The following ATOH8 variants were observed in gnomAD, a reference collection of about 807,000 sequenced individuals.
The protein encoded by ATOH8 is atonal bHLH transcription factor 8.
In ATOH8, 9 loss-of-function variants were observed where a neutral mutation model predicts 21.2. The ratio of observed to expected loss-of-function variants is 0.42; its 90% CI spans 0.26 to 0.74. The LOEUF (loss-of-function observed/expected upper bound fraction) is 0.74, where lower values mean the gene tolerates loss of function less well. Among genes scored for constraint, ATOH8 ranks in the 30% least tolerant of loss-of-function variants. ATOH8 has a pLI of 0.24. For missense variants in ATOH8, 524 were observed against 470.9 expected (o/e 1.11, Z -1.04); for synonymous variants, 253 against 224.0 (o/e 1.13, Z -1.16).
chr2:85,763,903 T>C, intron 1 of ATOH8, 88 bp from the exon 2 acceptor site: 1 of 1,275,030 alleles, frequency 7.8e-7, no homozygotes, highest in Non-Finnish European at 1.1e-6. Flanking sequence ...GGTGGAGGGC[T>C]CAGATATACC....
intron 2 of ATOH8, among the ~76,000 whole-genome samples, chr2:85,782,902 G>A (rs1210827679): frequency 6.6e-6 from 1 of 152,148 alleles, no homozygotes; most frequent in Non-Finnish European, 1.5e-5. Context: ...TGCCATGTTG[G>A]CCAGACTGGT....
chr2:85,791,227 TG>T lies in ATOH8; in HGVS notation c.*4340del, dbSNP rs1680760042. On this transcript the variant is annotated 3_prime_UTR_variant, in exon 3 of 3. Coordinates refer to ENST00000306279, the MANE Select transcript of ATOH8 (RefSeq NM_032827.7). ...ACAATGACAGTGTTTTCCAGAACTGTGGGTACGTGTCTAATCTCAGATGGTA... is the reference window on the plus strand; with the variant it reads ...ACAATGACAGTGTTTTCCAGAACTGTGGTACGTGTCTAATCTCAGATGGTA... Among the ~76,000 whole-genome samples the T allele has an allele frequency of 6.6e-6, 1 of 152,166 alleles. No homozygotes were observed. Among genetic ancestry groups the T allele is most frequent in the African/African-American group, 2.4e-5 (1 of 41,436 alleles).
Position 85,788,502 on chromosome 2 carries a change from A to G in ATOH8, c.*1612A>G, listed in dbSNP as rs996751461. Among the ~76,000 whole-genome samples, 2 of 152,104 alleles carry G rather than the reference A, an allele frequency of 1.3e-5. No homozygotes were observed. Among genetic ancestry groups the G allele is most frequent in the Non-Finnish European group, 2.9e-5 (2 of 68,032 alleles). On this transcript the variant is annotated 3_prime_UTR_variant, in exon 3 of 3. Coordinates refer to ENST00000306279, the MANE Select transcript of ATOH8 (RefSeq NM_032827.7). ...CAGCCCCATCACCAGTCCCAGCCCA[A>G]AGTCTCTTGTGTGGCCTTGTCACAT...
chr2:85,775,570 C>T (rs1433631692), intron 2 of ATOH8, among the ~76,000 whole-genome samples: 1 of 152,184 alleles, frequency 6.6e-6, no homozygotes, highest in Non-Finnish European at 1.5e-5. Context: ...AGAGTCCAGG[C>T]TTCTTTTGAT....
intron 1 of ATOH8, among the ~76,000 whole-genome samples, chr2:85,763,439 C>T (rs1679920497): frequency 6.6e-6 from 1 of 152,122 alleles, no homozygotes; most frequent in Non-Finnish European, 1.5e-5. Context: ...AAAATGAAAA[C>T]CAGCCATGTT....
Position 85,754,018 on chromosome 2 carries a change from G to C in ATOH8, c.-172G>C. ...ATGACACTCTGAGCGCTCCGGGAAC[G>C]GACAGCCCGGCGGCTTCCCGAAGCC... On this transcript the variant is annotated 5_prime_UTR_variant, in exon 1 of 3. Coordinates refer to ENST00000306279, the MANE Select transcript of ATOH8 (RefSeq NM_032827.7). The C allele has an allele frequency of 1.4e-6, 1 of 692,330 alleles. No homozygotes were observed. The highest frequency in any genetic ancestry group is 2.4e-5 in the South Asian group (1 of 41,220). The allele number at this position is 692,330 out of a possible 1,614,324, so 42.9% of individuals were successfully genotyped here.
intron 2 of ATOH8, among the ~76,000 whole-genome samples, chr2:85,765,676 C>A (rs963218371): frequency 5.3e-5 from 8 of 151,888 alleles, no homozygotes; most frequent in Admixed American, 2.0e-4. Context: ...CGCCCCGTCT[C>A]CATCTCAGCC....
At chr2:85,768,381 C>T (rs2104513469) in intron 2 of ATOH8, among the ~76,000 whole-genome samples, 1 of 152,236 alleles carries the variant, frequency 6.6e-6, no homozygotes, top group Non-Finnish European at 1.5e-5. Context: ...GGGTTTAAAG[C>T]CTTAGGGTAG....
intron 2 of ATOH8, among the ~76,000 whole-genome samples, chr2:85,781,396 G>C (rs2083114): frequency 0.29 from 43,389 of 151,210 alleles, 7,502 homozygotes; most frequent in African/African-American, 0.49. Flanking sequence ...GTGAAACCCC[G>C]TCTCTACTAA....
rs1171854038 is a variant in ATOH8 at position 85,787,563 on chromosome 2, C to T, written c.*673C>T. The T allele has an allele frequency of 6.5e-6, 1 of 152,874 alleles. No individual in the cohort carries two copies. Among genetic ancestry groups the T allele is most frequent in the Non-Finnish European group, 1.5e-5 (1 of 68,204 alleles). 9.5% of individuals were successfully genotyped at this position (152,874 alleles called of 1,614,324 possible). On this transcript the variant is annotated 3_prime_UTR_variant, in exon 3 of 3. Transcript: ENST00000306279. ...CCCAGTTCTCAGTGTCCCTTGGGTCCAGGCTCCTTGGGCCCTAAGCATCAC... is the reference window on the plus strand; with the variant it reads ...CCCAGTTCTCAGTGTCCCTTGGGTCTAGGCTCCTTGGGCCCTAAGCATCAC...
chr2:85,785,906 C>T lies in ATOH8; in HGVS notation c.961-979C>T, dbSNP rs13386681. On this transcript the variant is annotated intron_variant, in intron 2 of 2. Transcript: ENST00000306279. The surrounding 1 kb of genome is among the most constrained non-coding windows in gnomAD (Gnocchi z 4.1). ...TAAGAGGGTTATGTTGTACCAGGTT[C>T]AGGGACTTTGTTATTTTTCATCCTG... Among the ~76,000 whole-genome samples the T allele has an allele frequency of 0.084, 12,841 of 152,236 alleles. 635 individuals are homozygous for T. The highest frequency in any genetic ancestry group is 0.24 in the South Asian group (1,174 of 4,822).
At chr2:85,754,988 C>A (rs773693435) in intron 1 of ATOH8, 31 bp downstream of exon 1, 3 of 1,552,458 alleles carry the variant, frequency 1.9e-6, no homozygotes, top group Non-Finnish European at 2.6e-6. Context: ...GCCCTCACTG[C>A]GCCGGGGGAC....
chr2:85,766,189 T>C lies in ATOH8; in HGVS notation c.960+2007T>C, dbSNP rs1171963385. Among the ~76,000 whole-genome samples, 2 of 152,074 alleles carry C rather than the reference T, an allele frequency of 1.3e-5. No individual in the cohort carries two copies. Among genetic ancestry groups the C allele is most frequent in the Non-Finnish European group, 2.9e-5 (2 of 68,002 alleles). On this transcript the variant is annotated intron_variant, in intron 2 of 2. Coordinates refer to ENST00000306279, the MANE Select transcript of ATOH8 (RefSeq NM_032827.7). This position sits in a 1 kb window ranked among gnomAD's most constrained non-coding sequence, Gnocchi z 4.0. Reference sequence around the variant, plus strand: ...ATGGTCACCGTCCTCAGGGTAATGATAATGAGCCCCTAAAATGCTTGAGCT... The same window carrying C: ...ATGGTCACCGTCCTCAGGGTAATGACAATGAGCCCCTAAAATGCTTGAGCT...
chr2:85,754,541 G>C lies in ATOH8; in HGVS notation c.352G>C (p.Gly118Arg), dbSNP rs1475863517. Reference protein sequence around the residue: ...RKRCFALGAVGPGLPTPPPPP... With the variant: ...RKRCFALGAVRPGLPTPPPPP... ...ACGCTGCTTCGCCCTAGGCGCAGTGGGGCCAGGACTCCCCACGCCGCCGCC... is the reference window on the plus strand; with the variant it reads ...ACGCTGCTTCGCCCTAGGCGCAGTGCGGCCAGGACTCCCCACGCCGCCGCC... Residue 118 changes from glycine to arginine, a missense_variant, in exon 1 of 3, where the codon GGG (glycine) becomes CGG (arginine). Gly to Arg is a moderately radical substitution (Grantham distance 125). Transcript: ENST00000306279. 1 of 1,424,720 alleles carries C rather than the reference G, an allele frequency of 7.0e-7. No individual in the cohort carries two copies. Among genetic ancestry groups the C allele is most frequent in the African/African-American group, 1.5e-5 (1 of 65,858 alleles). 88.3% of individuals were successfully genotyped at this position (1,424,720 alleles called of 1,614,324 possible). A position where few individuals can be genotyped will look rare whatever the true frequency, so the allele number is the denominator to read the frequency against.
In ATOH8 at chr2:85,787,120, G is replaced by A. The variant is rs991051021; in HGVS notation, c.*230G>A. On this transcript the variant is annotated 3_prime_UTR_variant, in exon 3 of 3. Transcript: ENST00000306279. ...ACTTTGCCCTCTGCCTGGTGGGGAG[G>A]GGAGAGCTCAGCCCCCGACTCACTC... The A allele has an allele frequency of 5.2e-6, 3 of 576,778 alleles. No individual in the cohort carries two copies. Among genetic ancestry groups the A allele is most frequent in the African/African-American group, 3.7e-5 (2 of 53,336 alleles). The allele number at this position is 576,778 out of a possible 1,614,324, so 35.7% of individuals were successfully genotyped here.
intron 2 of ATOH8, among the ~76,000 whole-genome samples, chr2:85,765,101 T>C (rs977208059): frequency 2.0e-5 from 3 of 152,204 alleles, no homozygotes; most frequent in African/African-American, 7.2e-5. Context: ...CAAGGCTTAG[T>C]GCAGCCCTCC....
intron 2 of ATOH8, chr2:85,773,318 A>G (rs1573532672): frequency 6.2e-6 from 1 of 161,258 alleles, no homozygotes; most frequent in Non-Finnish European, 1.3e-5. Context: ...GCCTTCTGGG[A>G]TATGTCTGCC....
In ATOH8 at chr2:85,754,695, C is replaced by T. The variant is rs368693659; in HGVS notation, c.506C>T (p.Pro169Leu). 1.9e-6 allele frequency: 3 copies of T among 1,605,720 alleles called. No homozygotes were observed. Among genetic ancestry groups the T allele is most frequent in the East Asian group, 2.2e-5 (1 of 44,694 alleles). The change falls in exon 1 of 3, where the codon CCA becomes CTA. Residue 169 changes from proline (P) to leucine (L), a missense_variant. Transcript: ENST00000306279. ...PPARPAPSAP[P>L]APPAPPESTV... ...GCGCGCCCCGCGCCGTCAGCACCCC[C>T]AGCACCGCCAGCGCCCCCGGAGTCC...
Position 85,787,775 on chromosome 2 carries a change from T to G in ATOH8, c.*885T>G, listed in dbSNP as rs1296854066. On this transcript the variant is annotated 3_prime_UTR_variant, in exon 3 of 3. Coordinates refer to ENST00000306279, the MANE Select transcript of ATOH8 (RefSeq NM_032827.7). The stretch of plus-strand genomic sequence containing the variant: ...GGCCCTGCCATGGACAGAAAAAGAG[T>G]TTTTCTCTTGTTCAGCCTGCACGTG... The G allele has an allele frequency of 6.6e-6, 1 of 151,992 alleles. No homozygotes were observed. The highest frequency in any genetic ancestry group is 1.5e-5 in the Non-Finnish European group (1 of 67,940). The allele number at this position is 151,992 out of a possible 1,614,324, so 9.4% of individuals were successfully genotyped here. A position where few individuals can be genotyped will look rare whatever the true frequency, so the allele number is the denominator to read the frequency against.
Sources: allele counts gnomAD v4.1 joint callset (sites outside exome capture counted in the v4.1 genomes callset), GRCh38; gene constraint gnomAD v4.1.1; non-coding constraint Gnocchi (gnomAD v3.1); transcripts MANE v1.5; gene names NCBI Gene and HGNC (gene_info 2026-07-23, HGNC 2026-07-21).